RUNDC3B: variants seen among roughly 807,000 people sequenced by gnomAD.
The protein encoded by RUNDC3B is RUN domain containing 3B, also known as RUN domain-containing protein 3B.
Under a neutral mutation model 58.4 loss-of-function variants are expected in RUNDC3B, and 33 were observed. The ratio of observed to expected loss-of-function variants is 0.56; its 90% CI spans 0.43 to 0.75. The LOEUF is 0.75. Among genes scored for constraint, RUNDC3B ranks in the 30% least tolerant of loss-of-function variants. RUNDC3B has a pLI of 0.00. For missense variants in RUNDC3B, 501 were observed against 535.7 expected, an observed-to-expected ratio of 0.94 and a Z score of 0.64; for synonymous variants, 193 against 195.2, an observed-to-expected ratio of 0.99 and a Z score of 0.10.
At chr7:87,652,454 C>G (rs1235383879) in intron 2 of RUNDC3B, among the ~76,000 whole-genome samples, 1 of 151,856 alleles carries the variant, frequency 6.6e-6, no homozygotes, top group African/African-American at 2.4e-5. Flanking sequence ...AATGTTATTT[C>G]TGAATAATAC....
intron 4 of RUNDC3B, among the ~76,000 whole-genome samples, chr7:87,738,640 TA>T (rs1288441056): frequency 2.6e-5 from 4 of 152,004 alleles, no homozygotes; most frequent in Non-Finnish European, 5.9e-5. Flanking sequence ...ATATAGGACT[TA>T]AAGAAGAATT....
chr7:87,728,778 CCTA>C (rs1460098698), intron 4 of RUNDC3B, among the ~76,000 whole-genome samples: 2 of 152,174 alleles, frequency 1.3e-5, no homozygotes, highest in African/African-American at 2.4e-5. Context: ...CATTATGCTA[CCTA>C]CTACATCTTT....
chr7:87,797,267 A>G (rs575252515), intron 8 of RUNDC3B, among the ~76,000 whole-genome samples: 1 of 152,212 alleles, frequency 6.6e-6, no homozygotes, highest in Non-Finnish European at 1.5e-5. Flanking sequence ...TGTGGGTACT[A>G]GAAAATTAAA....
chr7:87,810,056 T>C (rs947439147), intron 9 of RUNDC3B, among the ~76,000 whole-genome samples: 5 of 151,590 alleles, frequency 3.3e-5, no homozygotes, highest in African/African-American at 1.2e-4. Context: ...GTTTTAATGA[T>C]AGTAGATGAT....
chr7:87,780,098 G>A (rs1834843884), intron 8 of RUNDC3B, among the ~76,000 whole-genome samples: 1 of 152,174 alleles, frequency 6.6e-6, no homozygotes, highest in Non-Finnish European at 1.5e-5. Flanking sequence ...GAACATAGGA[G>A]TGCATGTCTA....
chr7:87,649,578 T>A (rs577303411), intron 1 of RUNDC3B, among the ~76,000 whole-genome samples: 10 of 152,202 alleles, frequency 6.6e-5, no homozygotes, highest in African/African-American at 2.4e-4. Flanking sequence ...GGAAAATACA[T>A]TGATTTTTGA....
intron 8 of RUNDC3B, among the ~76,000 whole-genome samples, chr7:87,786,153 C>G (rs762268217): frequency 2.6e-5 from 4 of 152,102 alleles, no homozygotes; most frequent in Non-Finnish European, 5.9e-5. Context: ...CTGGCTATAT[C>G]TAATTGGCCA....
chr7:87,818,787 T>C (rs1837224848), intron 10 of RUNDC3B, among the ~76,000 whole-genome samples: 1 of 152,072 alleles, frequency 6.6e-6, no homozygotes, highest in Non-Finnish European at 1.5e-5. Flanking sequence ...AAAAATCACC[T>C]CTAGAAAGAT....
At chr7:87,803,869 GA>G (rs1258089950) in intron 8 of RUNDC3B, among the ~76,000 whole-genome samples, 1 of 152,054 alleles carries the variant, frequency 6.6e-6, no homozygotes, top group Non-Finnish European at 1.5e-5. Context: ...AAATCAGCAA[GA>G]ATCCATATAA....
chr7:87,633,844 T>G (rs1288882420), intron 1 of RUNDC3B, among the ~76,000 whole-genome samples: 1 of 152,140 alleles, frequency 6.6e-6, no homozygotes, highest in Non-Finnish European at 1.5e-5. Flanking sequence ...GACAGTATAA[T>G]CTGTCTTATC....
intron 6 of RUNDC3B, among the ~76,000 whole-genome samples, chr7:87,763,977 AT>A (rs1563193748): frequency 6.6e-6 from 1 of 151,630 alleles, no homozygotes; most frequent in Admixed American, 6.6e-5. Context: ...TGTTTATGAT[AT>A]TTTTCAACAT....
At chr7:87,656,731 T>G (rs1824142018) in intron 2 of RUNDC3B, among the ~76,000 whole-genome samples, 1 of 152,220 alleles carries the variant, frequency 6.6e-6, no homozygotes, top group Non-Finnish European at 1.5e-5. Flanking sequence ...AATCAATTGA[T>G]TTGTTTTTTA....
intron 7 of RUNDC3B, among the ~76,000 whole-genome samples, chr7:87,775,116 A>T (rs1476355194): frequency 6.6e-6 from 1 of 152,186 alleles, no homozygotes; most frequent in African/African-American, 2.4e-5. Context: ...GTCTTTTAGG[A>T]GGTAGTCCAG....
At chr7:87,797,104 A>T (rs946853782) in intron 8 of RUNDC3B, among the ~76,000 whole-genome samples, 1 of 152,214 alleles carries the variant, frequency 6.6e-6, no homozygotes, top group Non-Finnish European at 1.5e-5. Context: ...ATTTTGTGAC[A>T]GTAACGGAAA....
At chr7:87,644,443 T>G (rs1421161341) in intron 1 of RUNDC3B, among the ~76,000 whole-genome samples, 1 of 152,206 alleles carries the variant, frequency 6.6e-6, no homozygotes, top group Non-Finnish European at 1.5e-5. Context: ...GTAAATTTGG[T>G]TTGAAATAGT....
chr7:87,761,462 C>T (rs1833678607), intron 6 of RUNDC3B, among the ~76,000 whole-genome samples: 1 of 151,840 alleles, frequency 6.6e-6, no homozygotes. Flanking sequence ...AATTCTTCTC[C>T]TAGATATCAA....
chr7:87,705,823 A>G (rs1415607584), intron 3 of RUNDC3B, among the ~76,000 whole-genome samples: 2 of 152,122 alleles, frequency 1.3e-5, no homozygotes, highest in Non-Finnish European at 2.9e-5. Context: ...CTCCCAATTG[A>G]ATCTTTAGTT....
chr7:87,712,433 C>G (rs1418545974), intron 4 of RUNDC3B, among the ~76,000 whole-genome samples: 1 of 152,012 alleles, frequency 6.6e-6, no homozygotes, highest in Non-Finnish European at 1.5e-5. Context: ...TAGCTCAAAT[C>G]TAAAAATCCT....
At chr7:87,827,119 AT>A (rs1233423925) in intron 10 of RUNDC3B, among the ~76,000 whole-genome samples, 1 of 152,218 alleles carries the variant, frequency 6.6e-6, no homozygotes, top group Non-Finnish European at 1.5e-5. Flanking sequence ...TATACATAAA[AT>A]TACAACAAAA....
Sources: allele counts gnomAD v4.1 joint callset (sites outside exome capture counted in the v4.1 genomes callset), GRCh38; gene constraint gnomAD v4.1.1; transcripts MANE v1.5; gene names NCBI Gene and HGNC (gene_info 2026-07-23, HGNC 2026-07-21).